The following PAG1 variants were observed in gnomAD, a reference collection of about 807,000 sequenced individuals.
The protein encoded by PAG1 is phosphoprotein membrane anchor with glycosphingolipid microdomains 1.
In PAG1, 23 loss-of-function variants were observed where a neutral mutation model predicts 31.7. The ratio of observed to expected loss-of-function variants is 0.73; its 90% CI spans 0.52 to 1.03. The LOEUF (loss-of-function observed/expected upper bound fraction) is 1.03. PAG1 is among the 50% of genes least tolerant of loss of function. The pLI is 0.00. For synonymous variants in PAG1, 214 were observed against 210.3 expected (o/e 1.02, Z -0.15); for missense variants, 473 against 540.7 (o/e 0.87, Z 1.24).
chr8:80,985,208 C>A lies in PAG1; in HGVS notation c.444G>T (p.Ala148=), dbSNP rs112191551. 1 of 1,614,108 alleles carries A rather than the reference C, an allele frequency of 6.2e-7. No homozygotes were observed. Among genetic ancestry groups the A allele is most frequent in the Non-Finnish European group, 8.5e-7 (1 of 1,180,008 alleles). The change falls in exon 7 of 9, where the codon GCG becomes GCT. Residue 148 remains alanine (A), a synonymous_variant. Transcript: ENST00000220597. ...GCCCCTGGTCCCCGTCCACACTTCTCGCCGTGAGCATGGTATCCACTGCGC... is the reference window on the plus strand; with the variant it reads ...GCCCCTGGTCCCCGTCCACACTTCTAGCCGTGAGCATGGTATCCACTGCGC... The part of the protein sequence containing the change: ...PESAVDTMLT[A]RSVDGDQGLG...
intron 2 of PAG1, among the ~76,000 whole-genome samples, chr8:81,068,229 C>A (rs1467900083): frequency 6.6e-6 from 1 of 152,140 alleles, no homozygotes; most frequent in Non-Finnish European, 1.5e-5. Flanking sequence ...CTGGAAAGAA[C>A]AACTATGGAA....
At chr8:80,995,933 G>A (rs1268066838) in intron 3 of PAG1, among the ~76,000 whole-genome samples, 1 of 152,228 alleles carries the variant, frequency 6.6e-6, no homozygotes, top group Non-Finnish European at 1.5e-5. Context: ...TGGAATAAAG[G>A]ATGGAACCAA....
intron 1 of PAG1, among the ~76,000 whole-genome samples, chr8:81,079,217 T>C (rs769186947): frequency 3.0e-4 from 46 of 152,184 alleles, no homozygotes; most frequent in Middle Eastern, 3.4e-3. Context: ...TGCATTGATA[T>C]AGGAGCCAAA....
At position 81,027,368 on chromosome 8, in the gene PAG1, T is replaced by C. The variant is rs1808300003; in HGVS notation, c.-81+2628A>G. 2.0e-5 allele frequency among the ~76,000 whole-genome samples: 3 copies of C among 152,136 alleles called. No homozygotes were observed. The South Asian group carries it at 6.2e-4, about 32-fold the overall frequency. The stretch of plus-strand genomic sequence containing the variant: ...AAAAAGATTGTCTAACAAATACATT[T>C]TAAAAGACTGAGAAACTTAAAAACA... On this transcript the variant is annotated intron_variant, in intron 3 of 8. Coordinates refer to ENST00000220597, the MANE Select transcript of PAG1 (RefSeq NM_018440.4).
At chr8:81,029,792 G>A (rs1808347523) in intron 3 of PAG1, 1 of 152,106 alleles carries the variant, frequency 6.6e-6, no homozygotes, top group Admixed American at 6.5e-5. Context: ...CCCAGATTCT[G>A]ATGGCATTCT....
intron 2 of PAG1, among the ~76,000 whole-genome samples, chr8:81,036,400 T>G (rs537476366): frequency 6.6e-6 from 1 of 152,318 alleles, no homozygotes; most frequent in Non-Finnish European, 1.5e-5. Flanking sequence ...AAAAAAAATG[T>G]ATCCTTAAAC....
intron 3 of PAG1, among the ~76,000 whole-genome samples, chr8:81,024,776 G>A (rs1808246594): frequency 6.6e-6 from 1 of 152,118 alleles, no homozygotes; most frequent in Non-Finnish European, 1.5e-5. Context: ...AGAAAGCATA[G>A]AACCAAATTT....
In PAG1 at chr8:81,108,992, C is replaced by T. The variant is rs958778569; in HGVS notation, c.-234+2599G>A. Among the ~76,000 whole-genome samples, 19 of 152,290 alleles carry T rather than the reference C, an allele frequency of 1.2e-4. 1 individual carries two copies. Among genetic ancestry groups the T allele is most frequent in the African/African-American group, 3.9e-4 (16 of 41,546 alleles). ...ACTGCTGCCGTGGTGGTTTCCTTGA[C>T]TGTGTAGATTGCTGCAGCTACACGT... On this transcript the variant is annotated intron_variant, in intron 1 of 8. Transcript: ENST00000220597.
At chr8:81,050,985 C>A (rs1411232822) in intron 2 of PAG1, among the ~76,000 whole-genome samples, 1 of 152,214 alleles carries the variant, frequency 6.6e-6, no homozygotes, top group Non-Finnish European at 1.5e-5. Flanking sequence ...TCTTTCTCTA[C>A]AGGATGGTGA....
At chr8:81,032,106 CAA>C (rs1267325548) in intron 2 of PAG1, among the ~76,000 whole-genome samples, 2 of 151,906 alleles carry the variant, frequency 1.3e-5, no homozygotes, top group African/African-American at 4.8e-5. Flanking sequence ...GCGTAAACTA[CAA>C]AACTATTAGA....
chr8:80,986,520 G>A (rs534849312), intron 6 of PAG1, among the ~76,000 whole-genome samples: 24 of 152,290 alleles, frequency 1.6e-4, no homozygotes, highest in Non-Finnish European at 2.4e-4. Context: ...GACTGAGTGC[G>A]TGCCCAGGGA....
chr8:81,047,966 T>C (rs1292692413), intron 2 of PAG1, among the ~76,000 whole-genome samples: 1 of 152,210 alleles, frequency 6.6e-6, no homozygotes, highest in Admixed American at 6.5e-5. Flanking sequence ...CTCCTACACA[T>C]GTTCACAAGG....
chr8:81,063,314 C>A (rs948379145), intron 2 of PAG1, among the ~76,000 whole-genome samples: 47 of 152,252 alleles, frequency 3.1e-4, no homozygotes, highest in Non-Finnish European at 5.4e-4. Flanking sequence ...AAAGAAGTAT[C>A]TTTTTTCATG....
chr8:81,083,687 GT>G (rs1329836993), intron 1 of PAG1, among the ~76,000 whole-genome samples: 1 of 152,096 alleles, frequency 6.6e-6, no homozygotes, highest in Non-Finnish European at 1.5e-5. Flanking sequence ...TTACTTATTT[GT>G]TTTTGTATGT....
chr8:81,082,252 C>CAAG (rs1809280207), intron 1 of PAG1, among the ~76,000 whole-genome samples: 1 of 48,096 alleles, frequency 2.1e-5, no homozygotes, highest in Non-Finnish European at 4.7e-5. Context: ...GACTCTGTCT[C>CAAG]AAAAAAAAAA....
At position 80,971,615 on chromosome 8, in the gene PAG1, T is replaced by C. The variant is rs572235272; in HGVS notation, c.*4929A>G. 3.3e-5 allele frequency: 5 copies of C among 152,352 alleles called. No individual in the cohort carries two copies. Among genetic ancestry groups the C allele is most frequent in the African/African-American group, 7.2e-5 (3 of 41,584 alleles). The allele number at this position is 152,352 out of a possible 1,614,324, so 9.4% of individuals were successfully genotyped here. ...TTAAAAAATACCCACAGTATATAAC[T>C]GGCAAGCCAAAAAAACTTCCTGTAT... On this transcript the variant is annotated 3_prime_UTR_variant, in exon 9 of 9. Coordinates refer to ENST00000220597, the MANE Select transcript of PAG1 (RefSeq NM_018440.4).
In PAG1 at chr8:81,066,273, T is replaced by C. The variant is rs115934113; in HGVS notation, c.-175+3839A>G. On this transcript the variant is annotated intron_variant, in intron 2 of 8. Transcript: ENST00000220597. ...CAAAGTAGCATAGAAAACAGAGGAG[T>C]AAAACTTAACGATATGCTGAAATGT... is the stretch of plus-strand genomic sequence containing the variant. 2.4e-3 allele frequency among the ~76,000 whole-genome samples: 371 copies of C among 152,100 alleles called. 1 individual carries two copies. Among genetic ancestry groups the C allele is most frequent in the African/African-American group, 7.7e-3 (318 of 41,490 alleles).
chr8:80,993,705 CCT>C (rs1449465299), intron 3 of PAG1, among the ~76,000 whole-genome samples: 1 of 151,652 alleles, frequency 6.6e-6, no homozygotes, highest in African/African-American at 2.4e-5. Context: ...CTCAAGCAAT[CCT>C]CTCCTGAACC....
At chr8:81,028,973 A>G (rs183767484) in intron 3 of PAG1, among the ~76,000 whole-genome samples, 235 of 152,362 alleles carry the variant, frequency 1.5e-3, no homozygotes, top group African/African-American at 5.5e-3. Context: ...ACTAAGGGCT[A>G]GGTAGTATCA....
Sources: gnomAD v4.1 joint callset for allele counts (sites outside exome capture counted in the v4.1 genomes callset) on GRCh38, gnomAD v4.1.1 for gene constraint, MANE v1.5 for transcripts, NCBI Gene and HGNC (gene_info 2026-07-23, HGNC 2026-07-21) for gene names.